The following UGT1A5 variants were observed in gnomAD, a reference collection of about 807,000 sequenced individuals.
UGT1A5 encodes UDP glucuronosyltransferase family 1 member A5.
In UGT1A5, 29 loss-of-function variants were observed where a neutral mutation model predicts 40.3. The ratio of observed to expected loss-of-function variants is 0.72; its 90% CI spans 0.54 to 0.98. The LOEUF (loss-of-function observed/expected upper bound fraction) is 0.98. Ranked by LOEUF, UGT1A5 falls within the 50% of genes least tolerant of loss-of-function variation. The pLI is 0.00. For missense variants in UGT1A5, 678 were observed against 677.9 expected, an observed-to-expected ratio of 1.00 and a Z score of 0.00; for synonymous variants, 257 against 262.5, an observed-to-expected ratio of 0.98 and a Z score of 0.20.
chr2:233,724,540 G>A (rs1161691820), intron 1 of UGT1A5, among the ~76,000 whole-genome samples: 2 of 122,844 alleles, frequency 1.6e-5, no homozygotes, highest in African/African-American at 3.3e-5. Context: ...CCGGGCAGAG[G>A]CGCTCCTCAC....
chr2:233,743,846 C>T lies in UGT1A5; in HGVS notation c.868-23188C>T, dbSNP rs779214397. On this transcript the variant is annotated intron_variant, in intron 1 of 4. Transcript: ENST00000373414. ...GGGGTGCCACTTGAGCGCCAGCTTG[C>T]GGTACGCCTTCTTGATGGCCTCGGA... 13 of 1,367,112 alleles carry T rather than the reference C, an allele frequency of 9.5e-6. No individual in the cohort carries two copies. The Admixed American group carries it at 1.1e-4, about 12-fold the overall frequency. The allele number at this position is 1,367,112 out of a possible 1,614,324, so 84.7% of individuals were successfully genotyped here.
intron 1 of UGT1A5, among the ~76,000 whole-genome samples, chr2:233,728,596 G>A (rs2077730910): frequency 6.6e-6 from 1 of 152,160 alleles, no homozygotes; most frequent in South Asian, 2.1e-4. Flanking sequence ...AAACCACATA[G>A]CCAGCCTCCA....
rs1054717922 is a variant in UGT1A5, at chr2:233,744,074, G to A, written c.868-22960G>A. On this transcript the variant is annotated intron_variant, in intron 1 of 4. Coordinates refer to ENST00000373414, the MANE Select transcript of UGT1A5 (RefSeq NM_019078.2). ...ATTGGTCGAGGCCTATGAGCGCCTC[G>A]CATCCCAAGATGCAGTGCTTCTGGG... The A allele has an allele frequency of 7.4e-5, 35 of 470,704 alleles. No homozygotes were observed. In the Middle Eastern group the frequency reaches 2.5e-3, roughly 34 times the overall value. 29.2% of individuals were successfully genotyped at this position (470,704 alleles called of 1,614,324 possible). A position where few individuals can be genotyped will look rare whatever the true frequency, so the allele number is the denominator to read the frequency against.
chr2:233,743,547 C>A (rs201114978), intron 1 of UGT1A5: 1 of 1,367,292 alleles, frequency 7.3e-7, no homozygotes, highest in South Asian at 1.1e-5. Flanking sequence ...TCTGACCCCC[C>A]CAAAATATTC....
At chr2:233,751,259 GC>G (rs1694681470) in intron 1 of UGT1A5, among the ~76,000 whole-genome samples, 1 of 151,926 alleles carries the variant, frequency 6.6e-6, no homozygotes. Flanking sequence ...GGGGCCTGTA[GC>G]CCCCTTTTTT....
At chr2:233,732,951 G>A (rs1167941280) in intron 1 of UGT1A5, among the ~76,000 whole-genome samples, 3 of 152,104 alleles carry the variant, frequency 2.0e-5, no homozygotes, top group Admixed American at 6.5e-5. Context: ...AGCATGGAAT[G>A]TTCTTCCATT....
Position 233,772,327 on chromosome 2 carries a change from T to A in UGT1A5, c.1373T>A (p.Leu458Gln), listed in dbSNP as rs527798161. The A allele has an allele frequency of 6.2e-7, 1 of 1,614,262 alleles. No homozygotes were observed. The highest frequency in any genetic ancestry group is 1.3e-5 in the African/African-American group (1 of 75,072). The change falls in exon 5 of 5, where the codon CTG becomes CAG. Residue 458 changes from leucine to glutamine, a missense_variant. Leu to Gln is a moderately radical substitution (Grantham distance 113, BLOSUM62 -2). Transcript: ENST00000373414. ...HKDRPVEPLD[L>Q]AVFWVEFVMR... ...GACCGCCCGGTGGAGCCGCTGGACC[T>A]GGCCGTGTTCTGGGTGGAGTTTGTG...
Position 233,769,401 on chromosome 2 carries a change from G to A in UGT1A5, c.1307+962G>A. On this transcript the variant is annotated intron_variant, in intron 4 of 4. Coordinates refer to ENST00000373414, the MANE Select transcript of UGT1A5 (RefSeq NM_019078.2). This position sits in a 1 kb window ranked among gnomAD's most constrained non-coding sequence, Gnocchi z 4.4. ...CCGACAATAGATACTGTGTGCATATGTGCGTGTGCGTTTGTGCATGTGGCT... is the reference window on the plus strand; with the variant it reads ...CCGACAATAGATACTGTGTGCATATATGCGTGTGCGTTTGTGCATGTGGCT... 1 of 1,194,732 alleles carries A rather than the reference G, an allele frequency of 8.4e-7. No homozygotes were observed. 74.0% of individuals were successfully genotyped at this position (1,194,732 alleles called of 1,614,324 possible).
At chr2:233,715,992 A>G (rs1463123086) in intron 1 of UGT1A5, among the ~76,000 whole-genome samples, 2 of 152,168 alleles carry the variant, frequency 1.3e-5, no homozygotes, top group African/African-American at 2.4e-5. Flanking sequence ...AAACACAACA[A>G]AACCCAAAAT....
At position 233,772,524 on chromosome 2, in the gene UGT1A5, CG is replaced by C. The variant is rs1700532996; in HGVS notation, c.1571del (p.Arg524GlnfsTer22). On this transcript the variant is annotated frameshift_variant, in exon 5 of 5. Transcript: ENST00000373414. LOFTEE classifies it high-confidence loss of function. The part of the protein sequence containing the change: ...GYRKCLGKKG[R>X]VKKAHKSKTH Reference sequence around the variant, plus strand: ...CCGGAAATGCTTGGGGAAAAAAGGGCGAGTTAAGAAAGCCCACAAATCCAAG... The same window carrying C: ...CCGGAAATGCTTGGGGAAAAAAGGGCAGTTAAGAAAGCCCACAAATCCAAG... 6.2e-7 allele frequency: 1 copy of C among 1,613,838 alleles called. No homozygotes were observed. The highest frequency in any genetic ancestry group is 1.3e-5 in the African/African-American group (1 of 74,832).
intron 1 of UGT1A5, among the ~76,000 whole-genome samples, chr2:233,731,766 G>A (rs2078201810): frequency 2.0e-5 from 3 of 152,172 alleles, no homozygotes; most frequent in African/African-American, 7.2e-5. Flanking sequence ...TGTCCTTAGA[G>A]TAGTATCATT....
chr2:233,724,006 C>T (rs1270251219), intron 1 of UGT1A5, among the ~76,000 whole-genome samples: 22 of 69,754 alleles, frequency 3.2e-4, no homozygotes, highest in Admixed American at 5.0e-4. Flanking sequence ...TCCACAAAGC[C>T]GCCATTGTCA....
In UGT1A5 at chr2:233,772,986, C is replaced by A; in HGVS notation, c.*427C>A. 3.5e-6 allele frequency: 1 copy of A among 282,682 alleles called. No homozygotes were observed. The highest frequency in any genetic ancestry group is 6.8e-6 in the Non-Finnish European group (1 of 146,824). 17.5% of individuals were successfully genotyped at this position (282,682 alleles called of 1,614,324 possible). A position where few individuals can be genotyped will look rare whatever the true frequency, so the allele number is the denominator to read the frequency against. On this transcript the variant is annotated 3_prime_UTR_variant, in exon 5 of 5. Transcript: ENST00000373414. ...TGATCCTTAACCAATAATGGTCAGTCCTCATCTCTGTCGTGCTTCATAGGT... is the reference window on the plus strand; with the variant it reads ...TGATCCTTAACCAATAATGGTCAGTACTCATCTCTGTCGTGCTTCATAGGT...
intron 1 of UGT1A5, among the ~76,000 whole-genome samples, chr2:233,717,585 G>A (rs1198463102): frequency 2.6e-5 from 4 of 152,254 alleles, no homozygotes; most frequent in Admixed American, 6.5e-5. Context: ...AGACACAGAG[G>A]TAGTGAGATG....
At chr2:233,718,910 G>A (rs760663679) in intron 1 of UGT1A5, 1 of 1,613,956 alleles carries the variant, frequency 6.2e-7, no homozygotes, top group Non-Finnish European at 8.5e-7. Context: ...AGAGTGGAAA[G>A]GTGTTGGTGG....
chr2:233,759,584 C>G (rs1003659930), intron 1 of UGT1A5, among the ~76,000 whole-genome samples: 4 of 149,800 alleles, frequency 2.7e-5, no homozygotes, highest in African/African-American at 9.9e-5. Flanking sequence ...TACCCCAGCA[C>G]GCCCCCCACC....
chr2:233,743,440 G>C (rs192671736), intron 1 of UGT1A5: 1 of 1,361,822 alleles, frequency 7.3e-7, no homozygotes, highest in South Asian at 1.1e-5. Context: ...ACGAAATCCT[G>C]TATCAAAAGA....
At chr2:233,739,831 CAT>C (rs1185061453) in intron 1 of UGT1A5, among the ~76,000 whole-genome samples, 1 of 151,958 alleles carries the variant, frequency 6.6e-6, no homozygotes, top group Non-Finnish European at 1.5e-5. Context: ...TGTGAAAAGA[CAT>C]GAGATTTGGG....
At chr2:233,743,738 T>C in intron 1 of UGT1A5, 1 of 1,367,388 alleles carries the variant, frequency 7.3e-7, no homozygotes, top group Non-Finnish European at 9.8e-7. Flanking sequence ...ATCGCGTTTC[T>C]TGGCGTCCGA....
Sources: gnomAD v4.1 joint callset for allele counts (sites outside exome capture counted in the v4.1 genomes callset) on GRCh38, gnomAD v4.1.1 for gene constraint, Gnocchi (gnomAD v3.1) non-coding constraint, MANE v1.5 for transcripts, NCBI Gene and HGNC (gene_info 2026-07-23, HGNC 2026-07-21) for gene names.